Variants in PCDHGA9 observed in about 807,000 individuals in gnomAD.
PCDHGA9 encodes protocadherin gamma subfamily A, 9.
In PCDHGA9, 37 loss-of-function variants were observed where a neutral mutation model predicts 62.5. The ratio of observed to expected loss-of-function variants is 0.59; its 90% confidence interval spans 0.46 to 0.78. PCDHGA9 has a LOEUF of 0.78. Ranked by LOEUF, PCDHGA9 falls within the 30% of genes least tolerant of loss-of-function variation. The pLI is 0.00. For missense variants in PCDHGA9, 1,138 were observed against 1,166.2 expected (o/e 0.98, Z 0.35); for synonymous variants, 459 against 484.6 (o/e 0.95, Z 0.69).
At chr5:141,409,592 A>G in intron 1 of PCDHGA9, 1 of 1,613,898 alleles carries the variant, frequency 6.2e-7, no homozygotes, top group African/African-American at 1.3e-5. Flanking sequence ...CGTGGCCGAG[A>G]ACAACCCGCC....
At chr5:141,446,621 C>T (rs1284919173) in intron 1 of PCDHGA9, among the ~76,000 whole-genome samples, 2 of 152,094 alleles carry the variant, frequency 1.3e-5, no homozygotes, top group Non-Finnish European at 2.9e-5. Flanking sequence ...GGACTACAGG[C>T]GTGCACCACC....
intron 1 of PCDHGA9, chr5:141,441,480 T>A (rs1679700290): frequency 5.9e-6 from 1 of 170,298 alleles, no homozygotes. Flanking sequence ...CCAACGACAA[T>A]GCTCTGGTTT....
At chr5:141,434,265 GA>G (rs2097683598) in intron 1 of PCDHGA9, among the ~76,000 whole-genome samples, 1 of 152,186 alleles carries the variant, frequency 6.6e-6, no homozygotes, top group South Asian at 2.1e-4. Context: ...GGGGGAGGTG[GA>G]AATTAGAGGT....
intron 1 of PCDHGA9, chr5:141,415,814 T>G: frequency 7.5e-7 from 1 of 1,330,430 alleles, no homozygotes; most frequent in South Asian, 1.8e-5. Flanking sequence ...AAGGCCTATA[T>G]ATCATAAGGC....
chr5:141,421,880 G>A (rs761272704), intron 1 of PCDHGA9: 3 of 1,613,600 alleles, frequency 1.9e-6, no homozygotes, highest in East Asian at 4.5e-5. Flanking sequence ...GCTTTAGATG[G>A]AGGCGATCCC....
In PCDHGA9 at chr5:141,404,772, G is replaced by A. The variant is rs764262966; in HGVS notation, c.1820G>A (p.Arg607His). The change falls in exon 1 of 4, where the codon CGC becomes CAC. Residue 607 changes from arginine (R) to histidine (H), a missense_variant. Transcript: ENST00000573521. ...DSGQNAWLSY[R>H]LFKASEPGLF... ...GGCCAGAATGCTTGGCTCTCCTACC[G>A]CCTATTCAAGGCCAGTGAGCCAGGG... The A allele has an allele frequency of 9.9e-6, 16 of 1,613,820 alleles. No individual in the cohort carries two copies. The highest frequency in any genetic ancestry group is 5.0e-5 in the Admixed American group (3 of 60,000).
rs999463482 is a variant in PCDHGA9, at chr5:141,506,400, T to C, written c.2572+919T>C. ...GGAGGTGGCTGTGGTGAGCAGAAAATCGCACCACTGCACTCCAGCCTGGGC... is the reference window on the plus strand; with the variant it reads ...GGAGGTGGCTGTGGTGAGCAGAAAACCGCACCACTGCACTCCAGCCTGGGC... On this transcript the variant is annotated intron_variant, in intron 3 of 3. Coordinates refer to ENST00000573521, the MANE Select transcript of PCDHGA9 (RefSeq NM_018921.3). 1.2e-4 allele frequency among the ~76,000 whole-genome samples: 16 copies of C among 135,754 alleles called. No homozygotes were observed. In the Admixed American group the frequency reaches 1.3e-3, roughly 11 times the overall value. The allele number at this position is 135,754 out of a possible 152,430, so 89.1% of individuals were successfully genotyped here.
At chr5:141,452,240 C>G (rs1365703172) in intron 1 of PCDHGA9, among the ~76,000 whole-genome samples, 1 of 152,084 alleles carries the variant, frequency 6.6e-6, no homozygotes, top group Non-Finnish European at 1.5e-5. Flanking sequence ...TTCTTGTGTC[C>G]TTTTGCCATA....
intron 1 of PCDHGA9, chr5:141,424,083 C>T (rs2096798692): frequency 4.2e-6 from 4 of 957,190 alleles, no homozygotes; most frequent in Non-Finnish European, 5.1e-6. Flanking sequence ...TATATTCCAC[C>T]ATTATTTGCT....
At position 141,403,954 on chromosome 5, in the gene PCDHGA9, C is replaced by A; in HGVS notation, c.1002C>A (p.Leu334=). 6.2e-7 allele frequency: 1 copy of A among 1,613,800 alleles called. No homozygotes were observed. The highest frequency in any genetic ancestry group is 8.5e-7 in the Non-Finnish European group (1 of 1,179,846). Residue 334 remains leucine, a synonymous_variant, in exon 1 of 4, where the codon CTC becomes CTA. Coordinates refer to ENST00000573521, the MANE Select transcript of PCDHGA9 (RefSeq NM_018921.3). The stretch of plus-strand genomic sequence containing the variant: ...GATTGAAAGGGTGGACAAAAGTGCT[C>A]ATTTCGGTGGAAGATGTAAATGACA... The part of the protein sequence containing the change: ...GGGLKGWTKV[L]ISVEDVNDNR...
rs765887978 is a variant in PCDHGA9 at position 141,486,476 on chromosome 5, C to T, written c.2425-8331C>T. The T allele has an allele frequency of 8.7e-6, 14 of 1,613,934 alleles. No homozygotes were observed. The highest frequency in any genetic ancestry group is 1.7e-5 in the Admixed American group (1 of 60,016). ...TGCTTCTGATGCTGGGAACCCTCCT[C>T]TCAGTACCCACAGAACTATTTTCCT... On this transcript the variant is annotated intron_variant, in intron 1 of 3. Transcript: ENST00000573521. This position sits in a 1 kb window ranked among gnomAD's most constrained non-coding sequence, Gnocchi z 5.0.
At chr5:141,420,359 A>G in intron 1 of PCDHGA9, 1 of 1,378,858 alleles carries the variant, frequency 7.3e-7, no homozygotes, top group Non-Finnish European at 9.6e-7. Flanking sequence ...TTAAGATTCT[A>G]GATAACTTCT....
intron 1 of PCDHGA9, among the ~76,000 whole-genome samples, chr5:141,449,413 C>G (rs2098637966): frequency 6.6e-6 from 1 of 151,656 alleles, no homozygotes; most frequent in African/African-American, 2.4e-5. Flanking sequence ...TCAAGACCAG[C>G]CTGGCCAACA....
rs1456184444 is a variant in PCDHGA9, at chr5:141,512,578, C to G, written c.*1405C>G. ...ATAGACCTTCTTCTCCCACCCCCTT[C>G]TGCCCCTGGGTCCCCGGCCATCCAG... On this transcript the variant is annotated 3_prime_UTR_variant, in exon 4 of 4. Coordinates refer to ENST00000573521, the MANE Select transcript of PCDHGA9 (RefSeq NM_018921.3). The G allele has an allele frequency of 6.5e-6, 1 of 153,062 alleles. No individual in the cohort carries two copies. The highest frequency in any genetic ancestry group is 1.5e-5 in the Non-Finnish European group (1 of 68,534). 9.5% of individuals were successfully genotyped at this position (153,062 alleles called of 1,614,324 possible). A position where few individuals can be genotyped will look rare whatever the true frequency, so the allele number is the denominator to read the frequency against.
At chr5:141,428,010 G>A in intron 1 of PCDHGA9, 1 of 1,603,006 alleles carries the variant, frequency 6.2e-7, no homozygotes, top group Non-Finnish European at 8.5e-7. Flanking sequence ...CTTCGATATA[G>A]TGCCACGCGC....
chr5:141,470,972 C>T (rs1186771156), intron 1 of PCDHGA9, among the ~76,000 whole-genome samples: 3 of 151,988 alleles, frequency 2.0e-5, no homozygotes, highest in Non-Finnish European at 4.4e-5. Flanking sequence ...CCACCTCAGC[C>T]TCCCAAAGTG....
intron 1 of PCDHGA9, chr5:141,421,895 GA>G: frequency 6.2e-7 from 1 of 1,613,730 alleles, no homozygotes; most frequent in African/African-American, 1.3e-5. Flanking sequence ...GATCCCATCC[GA>G]AAGGGCGCAG....
chr5:141,492,042 A>T, intron 1 of PCDHGA9: 1 of 519,520 alleles, frequency 1.9e-6, no homozygotes, highest in Non-Finnish European at 3.4e-6. Context: ...GCAGTCACAG[A>T]TCCACCCCTG....
chr5:141,457,159 T>C (rs908257499), intron 1 of PCDHGA9, among the ~76,000 whole-genome samples: 5 of 152,212 alleles, frequency 3.3e-5, no homozygotes, highest in Non-Finnish European at 7.3e-5. Flanking sequence ...GGTGCTACCA[T>C]GGATAACCCT....
Sources: gnomAD v4.1 joint callset for allele counts (sites outside exome capture counted in the v4.1 genomes callset) on GRCh38, gnomAD v4.1.1 for gene constraint, Gnocchi (gnomAD v3.1) non-coding constraint, MANE v1.5 for transcripts, NCBI Gene and HGNC (gene_info 2026-07-23, HGNC 2026-07-21) for gene names.